SLFN12L: variants seen among roughly 807,000 people sequenced by gnomAD.
SLFN12L encodes the protein schlafen family member 12-like.
Under a neutral mutation model 34.8 loss-of-function variants are expected in SLFN12L, and 34 were observed. The ratio of observed to expected loss-of-function variants is 0.98; its 90% CI spans 0.74 to 1.30. The LOEUF (loss-of-function observed/expected upper bound fraction) is 1.30. Ranked by LOEUF, SLFN12L falls within the 50% of genes most tolerant of loss-of-function variation. SLFN12L has a pLI of 0.00. For missense variants in SLFN12L, 703 were observed against 696.2 expected (o/e 1.01, Z -0.11); for synonymous variants, 259 against 247.5 (o/e 1.05, Z -0.44).
intron 1 of SLFN12L, among the ~76,000 whole-genome samples, chr17:35,533,912 C>G (rs917657327): frequency 2.0e-5 from 3 of 152,124 alleles, no homozygotes; most frequent in South Asian, 2.1e-4. Context: ...GAAACCTCAT[C>G]TCTACTAAAA....
At chr17:35,489,875 C>A in intron 2 of SLFN12L, 2 of 775,388 alleles carry the variant, frequency 2.6e-6, no homozygotes, top group Non-Finnish European at 4.1e-6. Flanking sequence ...AGAGGAACAC[C>A]AACCTTGTGG....
chr17:35,507,125 G>A lies in SLFN12L; in HGVS notation c.86+15154C>T, dbSNP rs139061777. On this transcript the variant is annotated intron_variant, in intron 2 of 4. Coordinates refer to ENST00000628453, the MANE Select transcript of SLFN12L (RefSeq NM_001363830.2). ...ACCAAATTACCCGGCCAGTGGGCAG[G>A]TAGTTGTGTTATTGGCACTATTAAA... Among the ~76,000 whole-genome samples the A allele has an allele frequency of 2.4e-3, 367 of 152,300 alleles. 4 individuals are homozygous for A. Among genetic ancestry groups the A allele is most frequent in the Non-Finnish European group, 2.6e-3 (176 of 68,034 alleles).
intron 2 of SLFN12L, among the ~76,000 whole-genome samples, chr17:35,488,591 TACTTTTTGAAATGC>T (rs1367034963): frequency 6.6e-6 from 1 of 152,172 alleles, no homozygotes; most frequent in Non-Finnish European, 1.5e-5. Context: ...CGAGAACCCA[TACTTTTTGAAATGC>T]ACACAGGCCA....
At position 35,469,207 on chromosome 17, in the gene SLFN12L, A is replaced by C. The variant is rs1913761303; in HGVS notation, c.*5716T>G. 6.7e-6 allele frequency among the ~76,000 whole-genome samples: 1 copy of C among 148,386 alleles called. No individual in the cohort carries two copies. On this transcript the variant is annotated 3_prime_UTR_variant, in exon 5 of 5. Transcript: ENST00000628453. ...CATGACCACTCCTCCTTGGTTATAC[A>C]CACACGCTAGTCTACACATGCATTA...
intron 1 of SLFN12L, among the ~76,000 whole-genome samples, chr17:35,530,801 A>T (rs1016313753): frequency 5.3e-5 from 8 of 152,324 alleles, no homozygotes; most frequent in African/African-American, 1.9e-4. Flanking sequence ...AACCTGCACA[A>T]TCACTTTTTT....
Position 35,530,500 on chromosome 17 carries a change from G to T in SLFN12L, c.-606+7073C>A, listed in dbSNP as rs1471003663. 2.2e-3 allele frequency among the ~76,000 whole-genome samples: 77 copies of T among 34,754 alleles called. 5 individuals carry two copies. The highest frequency in any genetic ancestry group is 5.3e-3 in the African/African-American group (69 of 12,962). The allele number at this position is 34,754 out of a possible 152,430, so 22.8% of individuals were successfully genotyped here. A position where few individuals can be genotyped will look rare whatever the true frequency, so the allele number is the denominator to read the frequency against. On this transcript the variant is annotated intron_variant, in intron 1 of 4. Coordinates refer to ENST00000628453, the MANE Select transcript of SLFN12L (RefSeq NM_001363830.2). Reference sequence around the variant, plus strand: ...AGAAAGAAAGAAAGAAAGAAAGAAAGAAAGAAAGAAAGAAAAGAAAAGAAA... The same window carrying T: ...AGAAAGAAAGAAAGAAAGAAAGAAATAAAGAAAGAAAGAAAAGAAAAGAAA...
chr17:35,497,283 G>T (rs1375015417), intron 2 of SLFN12L, among the ~76,000 whole-genome samples: 1 of 152,028 alleles, frequency 6.6e-6, no homozygotes, highest in Non-Finnish European at 1.5e-5. Context: ...CCCAGCTACT[G>T]GGGAGGCTGA....
chr17:35,489,443 A>G (rs1914742740), intron 2 of SLFN12L, among the ~76,000 whole-genome samples: 1 of 152,076 alleles, frequency 6.6e-6, no homozygotes, highest in African/African-American at 2.4e-5. Flanking sequence ...GGTCCCAGCT[A>G]CTAAGGAGGC....
Position 35,469,661 on chromosome 17 carries a change from T to C in SLFN12L, c.*5262A>G, listed in dbSNP as rs538815518. On this transcript the variant is annotated 3_prime_UTR_variant, in exon 5 of 5. Coordinates refer to ENST00000628453, the MANE Select transcript of SLFN12L (RefSeq NM_001363830.2). ...TCTTACTGTGTTTTCCTAGGTTCTG[T>C]ACTTGTCTATTTGGCATCCATTAAT... Among the ~76,000 whole-genome samples, 3 of 152,262 alleles carry C rather than the reference T, an allele frequency of 2.0e-5. No individual in the cohort carries two copies. In the South Asian group the frequency reaches 6.2e-4, roughly 32 times the overall value.
intron 2 of SLFN12L, among the ~76,000 whole-genome samples, chr17:35,518,082 T>G (rs777615837): frequency 1.3e-5 from 2 of 151,924 alleles, no homozygotes; most frequent in Non-Finnish European, 2.9e-5. Flanking sequence ...CACAGCAAAA[T>G]AAACTATCAT....
In SLFN12L at chr17:35,522,810, T is replaced by C; in HGVS notation, c.-446A>G. 1 of 1,464,208 alleles carries C rather than the reference T, an allele frequency of 6.8e-7. No individual in the cohort carries two copies. Among genetic ancestry groups the C allele is most frequent in the Non-Finnish European group, 9.5e-7 (1 of 1,054,000 alleles). 90.7% of individuals were successfully genotyped at this position (1,464,208 alleles called of 1,614,324 possible). On this transcript the variant is annotated 5_prime_UTR_variant, in exon 2 of 5. Transcript: ENST00000628453. ...AGCATCACAGATGACTCCTGGCTTC[T>C]CCTGCAAATTCAGGTCCACAGCCTA...
chr17:35,499,753 G>C lies in SLFN12L; in HGVS notation c.87-19558C>G, dbSNP rs1915224819. ...GTGTTCCCAGACCCCACTTTGAGAA[G>C]TAACACAGGAAGTAGAGTTGCTAGC... On this transcript the variant is annotated intron_variant, in intron 2 of 4. Transcript: ENST00000628453. 3 of 243,854 alleles carry C rather than the reference G, an allele frequency of 1.2e-5. No individual in the cohort carries two copies. In the Admixed American group the frequency reaches 1.9e-4, roughly 16 times the overall value. 15.1% of individuals were successfully genotyped at this position (243,854 alleles called of 1,614,324 possible).
In SLFN12L at chr17:35,467,314, A is replaced by G. The variant is rs905570989; in HGVS notation, c.*7609T>C. On this transcript the variant is annotated 3_prime_UTR_variant, in exon 5 of 5. Coordinates refer to ENST00000628453, the MANE Select transcript of SLFN12L (RefSeq NM_001363830.2). ...GGCCCCATCTCCATATTCCTTTTGAACAATTGAGCCATTGCCTAATGAATT... is the reference window on the plus strand; with the variant it reads ...GGCCCCATCTCCATATTCCTTTTGAGCAATTGAGCCATTGCCTAATGAATT... Among the ~76,000 whole-genome samples the G allele has an allele frequency of 6.6e-6, 1 of 152,212 alleles. No individual in the cohort carries two copies. The highest frequency in any genetic ancestry group is 1.5e-5 in the Non-Finnish European group (1 of 68,048).
Position 35,479,954 on chromosome 17 carries a change from A to T in SLFN12L, c.328T>A (p.Tyr110Asn), listed in dbSNP as rs1297962268. 6 of 1,614,236 alleles carry T rather than the reference A, an allele frequency of 3.7e-6. No homozygotes were observed. The highest frequency in any genetic ancestry group is 4.2e-6 in the Non-Finnish European group (5 of 1,180,036). Residue 110 changes from tyrosine to asparagine, a missense_variant, in exon 3 of 5, where the codon TAT becomes AAT. Tyr to Asn is a moderately radical substitution (Grantham distance 143). Coordinates refer to ENST00000628453, the MANE Select transcript of SLFN12L (RefSeq NM_001363830.2). ...CCTATTCCATCTTTTTTATAACTATAGCCTTTATTCTCAACTTCAGCCTTG... is the reference window on the plus strand; with the variant it reads ...CCTATTCCATCTTTTTTATAACTATTGCCTTTATTCTCAACTTCAGCCTTG... ...VIKAEVENKG[Y>N]SYKKDGIGLD...
At chr17:35,497,428 A>T (rs1209269638) in intron 2 of SLFN12L, among the ~76,000 whole-genome samples, 3 of 151,900 alleles carry the variant, frequency 2.0e-5, no homozygotes, top group African/African-American at 4.8e-5. Context: ...TAAAAATAAA[A>T]AATAATTTTT....
intron 2 of SLFN12L, 117 bp from the exon 3 acceptor site, chr17:35,480,312 T>C: frequency 1.3e-6 from 1 of 747,630 alleles, no homozygotes; most frequent in Non-Finnish European, 2.1e-6. Flanking sequence ...GGTAAGTATA[T>C]GGGTCTGAGA....
chr17:35,495,200 G>A (rs1915004223), intron 2 of SLFN12L, among the ~76,000 whole-genome samples: 2 of 152,046 alleles, frequency 1.3e-5, no homozygotes, highest in African/African-American at 2.4e-5. Flanking sequence ...ACGCCTGGCC[G>A]CATTAATTTC....
Position 35,474,760 on chromosome 17 carries a change from C to T in SLFN12L, c.*163G>A. 3.5e-6 allele frequency: 2 copies of T among 566,980 alleles called. No individual in the cohort carries two copies. Among genetic ancestry groups the T allele is most frequent in the Non-Finnish European group, 5.5e-6 (2 of 364,982 alleles). 35.1% of individuals were successfully genotyped at this position (566,980 alleles called of 1,614,324 possible). On this transcript the variant is annotated 3_prime_UTR_variant, in exon 5 of 5. Transcript: ENST00000628453. ...CCAAGACGGTGAAACCCCATCTCTG[C>T]TAAAAATACAAAAAAAAAAAAATTA...
intron 2 of SLFN12L, among the ~76,000 whole-genome samples, chr17:35,506,764 C>A (rs1479779676): frequency 6.6e-6 from 1 of 152,032 alleles, no homozygotes; most frequent in African/African-American, 2.4e-5. Flanking sequence ...ATGGGAAGCC[C>A]GAGAATTAGT....
Sources: gnomAD v4.1 joint callset for allele counts (sites outside exome capture counted in the v4.1 genomes callset) on GRCh38, gnomAD v4.1.1 for gene constraint, MANE v1.5 for transcripts, NCBI Gene and HGNC (gene_info 2026-07-23, HGNC 2026-07-21) for gene names.